ASTN2: variants seen among roughly 807,000 people sequenced by gnomAD.
ASTN2 encodes astrotactin 2.
Under a neutral mutation model 139.8 loss-of-function variants are expected in ASTN2, and 54 were observed. The observed-to-expected ratio is 0.39, with a 90% confidence interval of 0.31 to 0.48. The LOEUF is 0.48. ASTN2 is among the 20% of genes least tolerant of loss of function. The pLI is 0.95. For missense variants in ASTN2, 1,565 were observed against 1,725.1 expected, an observed-to-expected ratio of 0.91 and a Z score of 1.64; for synonymous variants, 756 against 719.5, an observed-to-expected ratio of 1.05 and a Z score of -0.81.
At chr9:116,648,145 G>A (rs1214136159) in intron 17 of ASTN2, among the ~76,000 whole-genome samples, 1 of 151,996 alleles carries the variant, frequency 6.6e-6, no homozygotes, top group Non-Finnish European at 1.5e-5. Flanking sequence ...GGGATTATAG[G>A]TGCATGCCAC....
intron 10 of ASTN2, among the ~76,000 whole-genome samples, chr9:116,887,201 C>T: frequency 6.6e-6 from 1 of 151,896 alleles, no homozygotes; most frequent in South Asian, 2.1e-4. Context: ...GCAAATTCAA[C>T]AATGGCTGAG....
intron 13 of ASTN2, among the ~76,000 whole-genome samples, chr9:116,793,577 C>T (rs1830611518): frequency 6.6e-6 from 1 of 152,176 alleles, no homozygotes; most frequent in Non-Finnish European, 1.5e-5. Context: ...CACTTGGAAA[C>T]ACATATTTTA....
intron 20 of ASTN2, among the ~76,000 whole-genome samples, chr9:116,468,815 TC>T (rs1349841828): frequency 6.6e-6 from 1 of 152,222 alleles, no homozygotes; most frequent in East Asian, 1.9e-4. Context: ...ACTTCTTTCA[TC>T]ATCCGAATTT....
intron 20 of ASTN2, among the ~76,000 whole-genome samples, chr9:116,478,301 G>T (rs1268424868): frequency 2.0e-5 from 3 of 151,728 alleles, no homozygotes; most frequent in African/African-American, 7.3e-5. Context: ...GGAAGAAAAT[G>T]AAGAATGGAG....
At position 117,006,300 on chromosome 9, in the gene ASTN2, A is replaced by G. The variant is rs557029705; in HGVS notation, c.1591+1792T>C. ...ATCTTGAACTTACACCCAAAACAACACTCTTTATCTTCCTCACCCAACCCT... is the reference window on the plus strand; with the variant it reads ...ATCTTGAACTTACACCCAAAACAACGCTCTTTATCTTCCTCACCCAACCCT... On this transcript the variant is annotated intron_variant, in intron 7 of 22. Transcript: ENST00000313400. Among the ~76,000 whole-genome samples the G allele has an allele frequency of 3.3e-5, 5 of 152,010 alleles. No individual in the cohort carries two copies. In the South Asian group the frequency reaches 1.0e-3, roughly 32 times the overall value.
intron 2 of ASTN2, among the ~76,000 whole-genome samples, chr9:117,221,054 T>C (rs1014237574): frequency 5.3e-5 from 8 of 152,180 alleles, no homozygotes; most frequent in Non-Finnish European, 7.3e-5. Context: ...GGAAGGTGCT[T>C]AATAAACACA....
chr9:116,440,674 G>A lies in ASTN2; in HGVS notation c.3717C>T (p.His1239=). Residue 1239 remains histidine, a synonymous_variant, in exon 22 of 23, where the codon CAC becomes CAT. Transcript: ENST00000313400. ...CAAACTTTTCATAGTGAGAGTTGTA[G>A]TGGTGCTGGACTCGGAACAGCATCG... ...SASMLFRVQH[H]YNSHYEKFGD... is the part of the protein sequence containing the mutation. 3 of 1,614,190 alleles carry A rather than the reference G, an allele frequency of 1.9e-6. No individual in the cohort carries two copies. The highest frequency in any genetic ancestry group is 2.5e-6 in the Non-Finnish European group (3 of 1,180,046).
intron 1 of ASTN2, among the ~76,000 whole-genome samples, chr9:117,391,518 GA>G (rs1830540046): frequency 6.6e-6 from 1 of 152,104 alleles, no homozygotes; most frequent in Non-Finnish European, 1.5e-5. Flanking sequence ...AACAGCATGG[GA>G]AAGACCTGCT....
intron 3 of ASTN2, among the ~76,000 whole-genome samples, chr9:117,192,110 AGT>A (rs10585715): frequency 0.97 from 146,821 of 152,124 alleles, 70,928 homozygotes; most frequent in Non-Finnish European, 0.99. Flanking sequence ...TATTTTAGAG[AGT>A]GTGTAGAGAC....
intron 2 of ASTN2, among the ~76,000 whole-genome samples, chr9:117,237,561 C>A (rs1588120338): frequency 1.3e-5 from 2 of 152,164 alleles, no homozygotes; most frequent in Non-Finnish European, 1.5e-5. Flanking sequence ...CTCACTGTAA[C>A]CTCCACCTCC....
At chr9:117,230,270 A>C (rs1036612923) in intron 2 of ASTN2, among the ~76,000 whole-genome samples, 3 of 151,772 alleles carry the variant, frequency 2.0e-5, no homozygotes, top group African/African-American at 7.3e-5. Context: ...GTCTGAAATG[A>C]AGGTACAAGC....
At chr9:117,187,902 T>C (rs1831243451) in intron 3 of ASTN2, among the ~76,000 whole-genome samples, 1 of 152,204 alleles carries the variant, frequency 6.6e-6, no homozygotes, top group Admixed American at 6.5e-5. Flanking sequence ...CCTTTATAAT[T>C]GTTTGTTCCT....
intron 5 of ASTN2, among the ~76,000 whole-genome samples, chr9:117,059,994 T>C (rs1003423019): frequency 3.9e-5 from 6 of 151,934 alleles, no homozygotes; most frequent in Admixed American, 2.0e-4. Flanking sequence ...TGCATGGCAG[T>C]TGTTAAATGC....
At chr9:116,588,156 C>T (rs1340085383) in intron 19 of ASTN2, among the ~76,000 whole-genome samples, 1 of 152,170 alleles carries the variant, frequency 6.6e-6, no homozygotes, top group African/African-American at 2.4e-5. Context: ...CCGCTGCTTT[C>T]CAGGATCCCA....
chr9:117,262,782 A>G lies in ASTN2; in HGVS notation c.630+28544T>C, dbSNP rs151035446. Among the ~76,000 whole-genome samples, 578 of 152,262 alleles carry G rather than the reference A, an allele frequency of 3.8e-3. 6 individuals carry two copies. The highest frequency in any genetic ancestry group is 0.013 in the African/African-American group (553 of 41,528). ...AGATTATCCTGGATTATCAAGAAGG[A>G]CCTAATGTAATCATAGGGTCCTAGT... On this transcript the variant is annotated intron_variant, in intron 2 of 22. Transcript: ENST00000313400.
chr9:117,117,491 C>T (rs1829427720), intron 4 of ASTN2, among the ~76,000 whole-genome samples: 1 of 151,758 alleles, frequency 6.6e-6, no homozygotes, highest in South Asian at 2.1e-4. Flanking sequence ...GTGGGAAGGG[C>T]TCCCCTCACC....
intron 19 of ASTN2, among the ~76,000 whole-genome samples, chr9:116,565,349 G>C (rs1333958103): frequency 6.6e-5 from 4 of 60,512 alleles, no homozygotes; most frequent in Non-Finnish European, 1.3e-4. Flanking sequence ...TTAAGACACT[G>C]TTTCTCTCTC....
chr9:117,291,621 C>T, intron 1 of ASTN2, 108 bp from the exon 2 acceptor site: 2 of 945,750 alleles, frequency 2.1e-6, no homozygotes, highest in Non-Finnish European at 3.1e-6. Flanking sequence ...CCATTTTTTG[C>T]CAGGATACCT....
chr9:116,850,863 CATT>C (rs922353577), intron 11 of ASTN2, among the ~76,000 whole-genome samples: 16 of 152,254 alleles, frequency 1.1e-4, no homozygotes, highest in Non-Finnish European at 1.8e-4. Context: ...CAGAGGGAAT[CATT>C]ATGGAAGGAG....
Sources: gnomAD v4.1 joint callset for allele counts (sites outside exome capture counted in the v4.1 genomes callset) on GRCh38, gnomAD v4.1.1 for gene constraint, MANE v1.5 for transcripts, NCBI Gene and HGNC (gene_info 2026-07-23, HGNC 2026-07-21) for gene names.